PHF20L1: variants seen among roughly 807,000 people sequenced by gnomAD.
PHF20L1 encodes the protein PHD finger protein 20 like 1.
In PHF20L1, 44 loss-of-function variants were observed where a neutral mutation model predicts 125.5. The observed-to-expected ratio is 0.35, with a 90% CI of 0.28 to 0.45. The LOEUF (loss-of-function observed/expected upper bound fraction) is 0.45, where lower values mean the gene tolerates loss of function less well. PHF20L1 is among the 20% of genes least tolerant of loss of function. PHF20L1 has a pLI of 1.00. For synonymous variants in PHF20L1, 380 were observed against 403.1 expected, an observed-to-expected ratio of 0.94 and a Z score of 0.69; for missense variants, 1,012 against 1,217.2, an observed-to-expected ratio of 0.83 and a Z score of 2.51.
intron 8 of PHF20L1, chr8:132,809,737 C>T (rs1834150315): frequency 6.6e-6 from 1 of 152,102 alleles, no homozygotes; most frequent in Admixed American, 6.5e-5. Context: ...TGAAATAACA[C>T]AAAAATGATT....
chr8:132,843,953 G>A (rs1323979265), intron 19 of PHF20L1: 1 of 985,074 alleles, frequency 1.0e-6, no homozygotes, highest in Non-Finnish European at 1.2e-6. Context: ...GAGGCATAGT[G>A]GAGGGAGGTG....
rs957278173 is a variant in PHF20L1, at chr8:132,843,019, G to A, written c.2748+144G>A. On this transcript the variant is annotated intron_variant, in intron 19 of 20. Transcript: ENST00000395386. ...CTTGTTAAAGTAAGGAGATTTTTTT[G>A]TTTTCTCTACAGGAAAACACTGGCC... 8.5e-5 allele frequency: 119 copies of A among 1,392,236 alleles called. No homozygotes were observed. In the Middle Eastern group the frequency reaches 1.6e-3, roughly 19 times the overall value. The allele number at this position is 1,392,236 out of a possible 1,614,324, so 86.2% of individuals were successfully genotyped here. A position where few individuals can be genotyped will look rare whatever the true frequency, so the allele number is the denominator to read the frequency against.
chr8:132,844,352 T>C, intron 20 of PHF20L1, 34 bp downstream of exon 20: 1 of 1,508,804 alleles, frequency 6.6e-7, no homozygotes, highest in South Asian at 1.2e-5. Flanking sequence ...ACAGTTACTA[T>C]AGTGAATTTA....
At chr8:132,806,634 T>A (rs1437044485) in intron 8 of PHF20L1, 1 of 152,120 alleles carries the variant, frequency 6.6e-6, no homozygotes, top group Non-Finnish European at 1.5e-5. Context: ...ACAGTAGATA[T>A]TGTAAGATTG....
intron 12 of PHF20L1, among the ~76,000 whole-genome samples, chr8:132,823,621 G>A (rs1350268513): frequency 1.3e-5 from 2 of 151,870 alleles, no homozygotes; most frequent in Non-Finnish European, 2.9e-5. Flanking sequence ...CCAGTCTTTG[G>A]ACTAGACATC....
intron 12 of PHF20L1, 148 bp from the exon 13 acceptor site, chr8:132,823,856 T>G (rs1057343142): frequency 3.8e-6 from 2 of 519,834 alleles, no homozygotes; most frequent in Admixed American, 4.0e-5. Flanking sequence ...TCTCACCGCT[T>G]TGTTACCAGT....
intron 13 of PHF20L1, chr8:132,824,503 A>G (rs1835940417): frequency 6.4e-6 from 1 of 155,602 alleles, no homozygotes; most frequent in Admixed American, 6.4e-5. Context: ...AATGGATGAT[A>G]GTCTTAAATA....
intron 9 of PHF20L1, chr8:132,811,977 A>G: frequency 1.0e-6 from 1 of 980,606 alleles, no homozygotes; most frequent in Non-Finnish European, 1.2e-6. Context: ...TCCAAATTTA[A>G]TTGATATTGT....
intron 12 of PHF20L1, 164 bp downstream of exon 12, chr8:132,817,709 G>A: frequency 1.7e-6 from 1 of 594,106 alleles, no homozygotes; most frequent in East Asian, 2.8e-5. Flanking sequence ...CGTTTTAAAG[G>A]TCTTTTGTGT....
chr8:132,808,008 TAGC>T (rs1833933455), intron 8 of PHF20L1: 1 of 196,840 alleles, frequency 5.1e-6, no homozygotes, highest in Non-Finnish European at 1.0e-5. Context: ...CCTGGAATAT[TAGC>T]AGGTCAAGAT....
intron 6 of PHF20L1, 197 bp from the exon 7 acceptor site, chr8:132,803,622 T>C: frequency 1.9e-6 from 1 of 531,060 alleles, no homozygotes; most frequent in Non-Finnish European, 3.3e-6. Flanking sequence ...TGAGAGGTTA[T>C]GCAATCTAAC....
chr8:132,817,744 G>T, intron 12 of PHF20L1, 199 bp downstream of exon 12: 2 of 525,682 alleles, frequency 3.8e-6, no homozygotes, highest in Non-Finnish European at 6.7e-6. Context: ...CATATTCCCT[G>T]GACATACATG....
rs1427586268 is a variant in PHF20L1 at position 132,775,431 on chromosome 8, A to G, written c.-252A>G. ...AGGCGGCGGCGGCGGCGGCGATGGCAGCGGACCCTGAGCGAGCTTGAGGGC... is the reference window on the plus strand; with the variant it reads ...AGGCGGCGGCGGCGGCGGCGATGGCGGCGGACCCTGAGCGAGCTTGAGGGC... On this transcript the variant is annotated 5_prime_UTR_variant, in exon 1 of 21. Transcript: ENST00000395386. 6 of 385,904 alleles carry G rather than the reference A, an allele frequency of 1.6e-5. No individual in the cohort carries two copies. Among genetic ancestry groups the G allele is most frequent in the Non-Finnish European group, 2.3e-5 (5 of 220,432 alleles). 23.9% of individuals were successfully genotyped at this position (385,904 alleles called of 1,614,324 possible).
At chr8:132,836,326 T>G in intron 15 of PHF20L1, 2 of 422,326 alleles carry the variant, frequency 4.7e-6, no homozygotes, top group South Asian at 4.5e-5. Flanking sequence ...TAATAGTGTA[T>G]ACTATAAGAT....
intron 2 of PHF20L1, among the ~76,000 whole-genome samples, chr8:132,786,432 G>A (rs889985837): frequency 6.6e-6 from 1 of 151,750 alleles, no homozygotes. Context: ...CCAACTTTAG[G>A]CATGCTTCTT....
At chr8:132,802,230 C>T (rs941835283) in intron 6 of PHF20L1, among the ~76,000 whole-genome samples, 2 of 150,980 alleles carry the variant, frequency 1.3e-5, no homozygotes, top group African/African-American at 2.4e-5. Flanking sequence ...CTGCTTTTAG[C>T]TGCCCATACT....
At chr8:132,828,608 GGTA>G (rs989860602) in intron 14 of PHF20L1, among the ~76,000 whole-genome samples, 2 of 152,012 alleles carry the variant, frequency 1.3e-5, no homozygotes, top group African/African-American at 2.4e-5. Context: ...TATTTTATGA[GGTA>G]GTAGGTTAAG....
intron 6 of PHF20L1, 37 bp downstream of exon 6, chr8:132,799,209 T>C (rs1195688587): frequency 7.7e-7 from 1 of 1,294,786 alleles, no homozygotes; most frequent in Non-Finnish European, 1.1e-6. Flanking sequence ...GTTTTGTTTT[T>C]CCTGGTATAT....
intron 2 of PHF20L1, among the ~76,000 whole-genome samples, chr8:132,782,726 C>T (rs191801842): frequency 3.3e-4 from 50 of 152,030 alleles, no homozygotes; most frequent in African/African-American, 1.2e-3. Context: ...GTAGCTGGGA[C>T]TACAGGCGTA....
Sources: allele counts gnomAD v4.1 joint callset (sites outside exome capture counted in the v4.1 genomes callset), GRCh38; gene constraint gnomAD v4.1.1; transcripts MANE v1.5; gene names NCBI Gene and HGNC (gene_info 2026-07-23, HGNC 2026-07-21).